Variants in FERMT1 observed in about 807,000 individuals in gnomAD.
FERMT1 encodes fermitin family homolog 1.
In FERMT1, 60 loss-of-function variants were observed where a neutral mutation model predicts 85.3. That is an observed-to-expected ratio of 0.70 (90% confidence interval 0.57 to 0.87). The LOEUF is 0.87. Ranked by LOEUF, FERMT1 falls within the 40% of genes least tolerant of loss-of-function variation. The pLI, the probability that FERMT1 is intolerant of heterozygous loss-of-function variation, is 0.00. For synonymous variants in FERMT1, 275 were observed against 301.1 expected (o/e 0.91, Z 0.90); for missense variants, 701 against 818.9 (o/e 0.86, Z 1.76).
chr20:6,075,304 A>G lies in FERMT1; in HGVS notation c.*1869T>C, dbSNP rs1056352549. The stretch of plus-strand genomic sequence containing the variant: ...ATCTGACATCGAGAAGCATTATTTT[A>G]ATGTAGGACCAGTTATAATCTTAAA... On this transcript the variant is annotated 3_prime_UTR_variant, in exon 15 of 15. Coordinates refer to ENST00000217289, the MANE Select transcript of FERMT1 (RefSeq NM_017671.5). The G allele has an allele frequency of 2.6e-5, 4 of 152,348 alleles. No homozygotes were observed. Among genetic ancestry groups the G allele is most frequent in the African/African-American group, 9.6e-5 (4 of 41,460 alleles). 9.4% of individuals were successfully genotyped at this position (152,348 alleles called of 1,614,324 possible).
At chr20:6,099,404 GAA>G (rs200572377) in intron 6 of FERMT1, among the ~76,000 whole-genome samples, 50 of 111,728 alleles carry the variant, frequency 4.5e-4, no homozygotes, top group African/African-American at 9.1e-4. Flanking sequence ...AGACTGTCTC[GAA>G]AAAAAAAAAA....
chr20:6,096,817 T>G, intron 8 of FERMT1, 85 bp downstream of exon 8: 1 of 666,358 alleles, frequency 1.5e-6, no homozygotes, highest in Non-Finnish European at 2.5e-6. Flanking sequence ...TCAGATGAAA[T>G]ATTCTCTTCT....
chr20:6,101,584 T>C (rs1387744182), intron 6 of FERMT1, among the ~76,000 whole-genome samples: 1 of 152,236 alleles, frequency 6.6e-6, no homozygotes, highest in Admixed American at 6.5e-5. Flanking sequence ...GGCTGCCTCT[T>C]AGGAGAATGG....
rs906556374 is a variant in FERMT1 at position 6,104,118 on chromosome 20, G to A, written c.849+3414C>T. On this transcript the variant is annotated intron_variant, in intron 6 of 14. Transcript: ENST00000217289. The surrounding 1 kb of genome is among the most constrained non-coding windows in gnomAD (Gnocchi z 4.2). Reference sequence around the variant, plus strand: ...ACTTCTAACCTCAGGCGATCCACCCGCCTCAGCCTCCCAAAGTACTGTGAT... The same window carrying A: ...ACTTCTAACCTCAGGCGATCCACCCACCTCAGCCTCCCAAAGTACTGTGAT... Among the ~76,000 whole-genome samples the A allele has an allele frequency of 3.3e-5, 5 of 152,078 alleles. No individual in the cohort carries two copies. The highest frequency in any genetic ancestry group is 1.2e-4 in the African/African-American group (5 of 41,414).
rs1011251708 is a variant in FERMT1 at position 6,119,502 on chromosome 20, A to G, written c.53T>C (p.Val18Ala). The G allele has an allele frequency of 1.2e-6, 2 of 1,614,088 alleles. No individual in the cohort carries two copies. Among genetic ancestry groups the G allele is most frequent in the Non-Finnish European group, 1.7e-6 (2 of 1,180,042 alleles). Residue 18 changes from valine (V) to alanine (A), a missense_variant, in exon 2 of 15, where the codon GTT (valine) becomes GCT (alanine). Physicochemically the swap from Val to Ala is moderately conservative, Grantham distance 64. Transcript: ENST00000217289. ...CTGCTGCTCTTCATTGGGATGGTCA[A>G]CGCGGACCACAAGCTCCCAGGAAGC... ...TFASWELVVR[V>A]DHPNEEQQKD...
rs1983077456 is a variant in FERMT1, at chr20:6,115,747, C to T, written c.385+64G>A. ...TTACTTGAAGTAGGCAGAATGCACA[C>T]ATAATTTTCCTGTCTAGCTTTGCAA... On this transcript the variant is annotated intron_variant, in intron 3 of 14. Transcript: ENST00000217289. The T allele has an allele frequency of 5.8e-6, 7 of 1,203,990 alleles. No homozygotes were observed. In the South Asian group the frequency reaches 6.1e-5, roughly 10 times the overall value. 74.6% of individuals were successfully genotyped at this position (1,203,990 alleles called of 1,614,324 possible).
intron 9 of FERMT1, among the ~76,000 whole-genome samples, chr20:6,090,617 G>A (rs1982329931): frequency 6.6e-6 from 1 of 152,044 alleles, no homozygotes; most frequent in Non-Finnish European, 1.5e-5. Flanking sequence ...AGCCAGGCGT[G>A]GTGGTGTGTC....
chr20:6,113,293 T>C (rs183974945), intron 3 of FERMT1, among the ~76,000 whole-genome samples: 26 of 152,270 alleles, frequency 1.7e-4, no homozygotes, highest in South Asian at 6.2e-4. Flanking sequence ...TCCATTAAAC[T>C]TCTTTCTTTT....
chr20:6,109,297 G>A (rs951918564), intron 5 of FERMT1, among the ~76,000 whole-genome samples: 14 of 152,322 alleles, frequency 9.2e-5, no homozygotes, highest in Non-Finnish European at 1.8e-4. Flanking sequence ...GCAGGAGACA[G>A]CATGTGGTTG....
Position 6,094,983 on chromosome 20 carries a change from GTCC to G in FERMT1, c.1092_1094del (p.Glu364del). On this transcript the variant is annotated inframe_deletion and splice_region_variant, in exon 9 of 15. Transcript: ENST00000217289. ...CTGCAAGTTTAGGGATATCAGTAAT[GTCC>G]TCCTAAGAAAAAACAAATAAAGTTT... is the stretch of plus-strand genomic sequence containing the variant. The G allele has an allele frequency of 6.5e-7, 1 of 1,531,546 alleles. No individual in the cohort carries two copies. Among genetic ancestry groups the G allele is most frequent in the Non-Finnish European group, 9.1e-7 (1 of 1,104,794 alleles). The allele number at this position is 1,531,546 out of a possible 1,614,324, so 94.9% of individuals were successfully genotyped here. A position where few individuals can be genotyped will look rare whatever the true frequency, so the allele number is the denominator to read the frequency against.
intron 1 of FERMT1, among the ~76,000 whole-genome samples, chr20:6,121,886 A>G (rs547432113): frequency 1.3e-5 from 2 of 152,274 alleles, no homozygotes; most frequent in South Asian, 2.1e-4. Context: ...CATTTCTATC[A>G]ACACAAATCT....
chr20:6,082,810 C>A (rs1016364801), intron 13 of FERMT1, among the ~76,000 whole-genome samples: 3 of 152,154 alleles, frequency 2.0e-5, no homozygotes, highest in Non-Finnish European at 4.4e-5. Flanking sequence ...TGCACACCAC[C>A]ACGCCCAGCT....
chr20:6,118,850 AG>A (rs1388740625), intron 2 of FERMT1, among the ~76,000 whole-genome samples: 4 of 152,050 alleles, frequency 2.6e-5, no homozygotes, highest in Non-Finnish European at 5.9e-5. Context: ...AGCTACTTAA[AG>A]TCACATTAGA....
At chr20:6,082,510 G>A (rs139546216) in intron 13 of FERMT1, among the ~76,000 whole-genome samples, 124 of 152,316 alleles carry the variant, frequency 8.1e-4, no homozygotes, top group African/African-American at 2.8e-3. Context: ...ACATATGCGC[G>A]CACATAGTGG....
In FERMT1 at chr20:6,097,036, A is replaced by G. The variant is rs371256175; in HGVS notation, c.958-3T>C. On this transcript the variant is annotated splice_region_variant and splice_polypyrimidine_tract_variant and intron_variant, in intron 7 of 14. Transcript: ENST00000217289. Reference sequence around the variant, plus strand: ...AACGACAGTTTGCTAATGTGGTACTAAAATGAAAACAGACGTTTTAGAAAT... The same window carrying G: ...AACGACAGTTTGCTAATGTGGTACTGAAATGAAAACAGACGTTTTAGAAAT... 2 of 1,613,458 alleles carry G rather than the reference A, an allele frequency of 1.2e-6. No individual in the cohort carries two copies. The highest frequency in any genetic ancestry group is 1.7e-6 in the Non-Finnish European group (2 of 1,179,480).
chr20:6,092,962 T>C (rs1009386136), intron 9 of FERMT1, among the ~76,000 whole-genome samples: 1 of 151,998 alleles, frequency 6.6e-6, no homozygotes, highest in Non-Finnish European at 1.5e-5. Flanking sequence ...TTCTTTTATT[T>C]TATCTAGCAT....
In FERMT1 at chr20:6,085,050, A is replaced by G. The variant is rs370378507; in HGVS notation, c.1593+16T>C. On this transcript the variant is annotated intron_variant, in intron 12 of 14. Transcript: ENST00000217289. ...GAATTTACTGCAAACAATTGCCCTA[A>G]CAAGATTAACAGTACCTGTTTGGAT... 13 of 1,602,376 alleles carry G rather than the reference A, an allele frequency of 8.1e-6. No homozygotes were observed. The highest frequency in any genetic ancestry group is 1.1e-5 in the Non-Finnish European group (13 of 1,169,454).
chr20:6,085,570 G>T (rs1218741832), intron 11 of FERMT1, among the ~76,000 whole-genome samples: 1 of 152,186 alleles, frequency 6.6e-6, no homozygotes, highest in Non-Finnish European at 1.5e-5. Flanking sequence ...TGATCCAAGG[G>T]CCAGGTGCGG....
At chr20:6,101,626 CTAAA>C (rs1172914291) in intron 6 of FERMT1, among the ~76,000 whole-genome samples, 2 of 152,130 alleles carry the variant, frequency 1.3e-5, no homozygotes, top group Non-Finnish European at 2.9e-5. Context: ...CATTTTTACT[CTAAA>C]TAATTTCTTT....
Sources: allele counts gnomAD v4.1 joint callset (sites outside exome capture counted in the v4.1 genomes callset), GRCh38; gene constraint gnomAD v4.1.1; non-coding constraint Gnocchi (gnomAD v3.1); transcripts MANE v1.5; gene names NCBI Gene and HGNC (gene_info 2026-07-23, HGNC 2026-07-21).